RB1CC1: variants seen among roughly 807,000 people sequenced by gnomAD.
RB1CC1 encodes the protein RB1 inducible coiled-coil 1.
In RB1CC1, 46 loss-of-function variants were observed where a neutral mutation model predicts 177.5. The ratio of observed to expected loss-of-function variants is 0.26; its 90% CI spans 0.20 to 0.33. The LOEUF (loss-of-function observed/expected upper bound fraction) is 0.33, where lower values mean the gene tolerates loss of function less well. RB1CC1 is among the 10% of genes least tolerant of loss of function. The pLI is 1.00. For missense variants in RB1CC1, 1,703 were observed against 1,816.3 expected, an observed-to-expected ratio of 0.94 and a Z score of 1.13; for synonymous variants, 666 against 613.6, an observed-to-expected ratio of 1.09 and a Z score of -1.26.
chr8:52,690,622 C>T (rs1293843327), intron 1 of RB1CC1, among the ~76,000 whole-genome samples: 1 of 152,190 alleles, frequency 6.6e-6, no homozygotes, highest in Non-Finnish European at 1.5e-5. Flanking sequence ...CAAGGAGACA[C>T]ACCATTTTTG....
intron 1 of RB1CC1, among the ~76,000 whole-genome samples, chr8:52,706,719 G>A (rs915847512): frequency 6.7e-6 from 1 of 149,244 alleles, no homozygotes; most frequent in Non-Finnish European, 1.5e-5. Flanking sequence ...GCTACAGAAC[G>A]AGACTCCCTC....
At chr8:52,675,532 C>T (rs984097605) in intron 6 of RB1CC1, among the ~76,000 whole-genome samples, 4 of 151,958 alleles carry the variant, frequency 2.6e-5, no homozygotes, top group Non-Finnish European at 5.9e-5. Context: ...ATTAAATGTA[C>T]TTCTATGCAA....
intron 18 of RB1CC1, among the ~76,000 whole-genome samples, chr8:52,641,034 A>G (rs904533194): frequency 2.6e-5 from 4 of 152,036 alleles, no homozygotes; most frequent in Non-Finnish European, 5.9e-5. Flanking sequence ...GGTACGAAGG[A>G]CCCTGCACTT....
At chr8:52,709,072 T>C (rs1052382074) in intron 1 of RB1CC1, among the ~76,000 whole-genome samples, 1 of 152,208 alleles carries the variant, frequency 6.6e-6, no homozygotes, top group Non-Finnish European at 1.5e-5. Flanking sequence ...CTGAGTGTGG[T>C]AGCACATGCC....
At chr8:52,660,314 G>C (rs112501784) in intron 12 of RB1CC1, among the ~76,000 whole-genome samples, 1 of 151,966 alleles carries the variant, frequency 6.6e-6, no homozygotes, top group Non-Finnish European at 1.5e-5. Context: ...AAAAAAGGAA[G>C]AGACAAGAAA....
At chr8:52,670,005 G>A (rs1229991119) in intron 7 of RB1CC1, among the ~76,000 whole-genome samples, 1 of 152,194 alleles carries the variant, frequency 6.6e-6, no homozygotes, top group Non-Finnish European at 1.5e-5. Flanking sequence ...CCAAGATAGA[G>A]TGCACTGGCA....
chr8:52,697,952 G>T (rs1302019895), intron 1 of RB1CC1, among the ~76,000 whole-genome samples: 1 of 152,116 alleles, frequency 6.6e-6, no homozygotes, highest in Non-Finnish European at 1.5e-5. Context: ...TTGAAATATA[G>T]TTAAAGCATA....
chr8:52,698,532 C>G (rs1011746327), intron 1 of RB1CC1, among the ~76,000 whole-genome samples: 8 of 151,762 alleles, frequency 5.3e-5, no homozygotes, highest in African/African-American at 1.5e-4. Context: ...CCAGGGTGGT[C>G]TTGATCTCCG....
chr8:52,644,715 T>TA (rs1269414338), intron 16 of RB1CC1, among the ~76,000 whole-genome samples: 28 of 152,330 alleles, frequency 1.8e-4, no homozygotes, highest in African/African-American at 6.7e-4. Flanking sequence ...CTAAAATTGT[T>TA]AGAGGTTTCA....
At position 52,676,408 on chromosome 8, in the gene RB1CC1, T is replaced by A. The variant is rs140804233; in HGVS notation, c.533A>T (p.Tyr178Phe). The A allele has an allele frequency of 6.2e-7, 1 of 1,612,260 alleles. No individual in the cohort carries two copies. Among genetic ancestry groups the A allele is most frequent in the Non-Finnish European group, 8.5e-7 (1 of 1,178,788 alleles). The change falls in exon 6 of 24, where the codon TAT becomes TTT. Residue 178 changes from tyrosine to phenylalanine, a missense_variant. By Grantham distance (22) the Tyr-to-Phe change is conservative (BLOSUM62 3). Transcript: ENST00000025008. ...LFKFESIYSNYLQSIEDIKLK... is the reference protein window; with the variant it reads ...LFKFESIYSNFLQSIEDIKLK... Reference sequence around the variant, plus strand: ...CTTGATGTCTTCTATGGACTGCAGATAATTTGAATAAATACTTTCAAACTT... The same window carrying A: ...CTTGATGTCTTCTATGGACTGCAGAAAATTTGAATAAATACTTTCAAACTT...
intron 13 of RB1CC1, among the ~76,000 whole-genome samples, chr8:52,658,654 A>C (rs1375567365): frequency 2.6e-5 from 4 of 152,064 alleles, no homozygotes; most frequent in Non-Finnish European, 5.9e-5. Context: ...ACTAGAAAAA[A>C]ATAATTACAT....
intron 22 of RB1CC1, among the ~76,000 whole-genome samples, 188 bp from the exon 23 acceptor site, chr8:52,624,975 C>T (rs1300317159): frequency 2.6e-5 from 4 of 152,070 alleles, no homozygotes; most frequent in Non-Finnish European, 4.4e-5. Flanking sequence ...TACTTTTCAA[C>T]CAGTAATGTG....
At chr8:52,673,400 T>A (rs1457153044) in intron 7 of RB1CC1, among the ~76,000 whole-genome samples, 5 of 152,216 alleles carry the variant, frequency 3.3e-5, no homozygotes, top group Admixed American at 6.5e-5. Flanking sequence ...ATACAGTGTC[T>A]ACGTTTCGAA....
chr8:52,637,730 A>G (rs1849261229), intron 18 of RB1CC1, among the ~76,000 whole-genome samples: 1 of 151,862 alleles, frequency 6.6e-6, no homozygotes, highest in Admixed American at 6.6e-5. Flanking sequence ...CCCAGGATGG[A>G]GGGCAGGGTC....
chr8:52,672,467 G>T (rs1225855482), intron 7 of RB1CC1, among the ~76,000 whole-genome samples: 1 of 152,208 alleles, frequency 6.6e-6, no homozygotes, highest in East Asian at 1.9e-4. Context: ...GATAGGCCAG[G>T]TGCAGTGGCT....
intron 16 of RB1CC1, among the ~76,000 whole-genome samples, chr8:52,643,633 A>G (rs12114923): frequency 0.05 from 7,429 of 149,234 alleles, 640 homozygotes; most frequent in African/African-American, 0.17. Flanking sequence ...AGGTTATAGC[A>G]TGCCATGATT....
At chr8:52,700,830 G>C (rs534216953) in intron 1 of RB1CC1, among the ~76,000 whole-genome samples, 1 of 152,242 alleles carries the variant, frequency 6.6e-6, no homozygotes, top group Admixed American at 6.5e-5. Context: ...CCAATATAAA[G>C]GATATTCAAG....
intron 8 of RB1CC1, among the ~76,000 whole-genome samples, chr8:52,665,082 C>T (rs944918156): frequency 4.0e-5 from 6 of 151,898 alleles, no homozygotes; most frequent in Admixed American, 6.6e-5. Flanking sequence ...GAAATCTAGA[C>T]GATTTTATAG....
chr8:52,634,108 C>A (rs1375679836), intron 20 of RB1CC1, among the ~76,000 whole-genome samples: 2 of 152,052 alleles, frequency 1.3e-5, no homozygotes, highest in Non-Finnish European at 1.5e-5. Flanking sequence ...CAGAGAGAGA[C>A]CTTGTCTCGA....
Sources: allele counts gnomAD v4.1 joint callset (sites outside exome capture counted in the v4.1 genomes callset), GRCh38; gene constraint gnomAD v4.1.1; transcripts MANE v1.5; gene names NCBI Gene and HGNC (gene_info 2026-07-23, HGNC 2026-07-21).